The following PSTK variants were observed in gnomAD, a reference collection of about 807,000 sequenced individuals.
PSTK encodes the protein phosphoseryl-tRNA kinase.
PSTK carries 26 observed loss-of-function variants against 38.6 expected under a neutral mutation model. That is an observed-to-expected ratio of 0.67 (90% confidence interval 0.49 to 0.94). PSTK has a LOEUF of 0.94. PSTK is among the 40% of genes least tolerant of loss of function. The probability of loss-of-function intolerance (pLI) is 0.00; values close to 1 mark genes in which losing one functional copy is unlikely to be tolerated. For missense variants in PSTK, 445 were observed against 436.3 expected (o/e 1.02, Z -0.18); for synonymous variants, 181 against 161.7 (o/e 1.12, Z -0.91).
In PSTK at chr10:122,983,404, C is replaced by T; in HGVS notation, c.641C>T (p.Pro214Leu). The part of the protein sequence containing the change: ...LMGRKLEKPN[P>L]EKNAWEHNSL... Reference sequence around the variant, plus strand: ...GGAAGAAAGCTAGAAAAGCCCAACCCTGAGAAAAATGCTTGGGAACACAAC... The same window carrying T: ...GGAAGAAAGCTAGAAAAGCCCAACCTTGAGAAAAATGCTTGGGAACACAAC... Residue 214 changes from proline to leucine, a missense_variant, in exon 3 of 6, where the codon CCT (proline) becomes CTT (leucine). By Grantham distance (98) the Pro-to-Leu change is moderately conservative. Coordinates refer to ENST00000406217, the MANE Select transcript of PSTK (RefSeq NM_001363531.2). 3 of 1,614,182 alleles carry T rather than the reference C, an allele frequency of 1.9e-6. No homozygotes were observed. The highest frequency in any genetic ancestry group is 2.5e-6 in the Non-Finnish European group (3 of 1,180,044).
chr10:122,986,689 A>C (rs2133359303), intron 4 of PSTK, among the ~76,000 whole-genome samples, 180 bp from the exon 5 acceptor site: 1 of 152,348 alleles, frequency 6.6e-6, no homozygotes, highest in East Asian at 1.9e-4. Context: ...ATCACCGCCT[A>C]GCTGGAACCC....
chr10:122,980,928 G>A lies in PSTK; in HGVS notation c.216+233G>A. 2.1e-6 allele frequency: 1 copy of A among 481,260 alleles called. No individual in the cohort carries two copies. Among genetic ancestry groups the A allele is most frequent in the Non-Finnish European group, 2.7e-6 (1 of 369,654 alleles). 29.8% of individuals were successfully genotyped at this position (481,260 alleles called of 1,614,324 possible). On this transcript the variant is annotated intron_variant, in intron 1 of 5. Coordinates refer to ENST00000406217, the MANE Select transcript of PSTK (RefSeq NM_001363531.2). This position sits in a 1 kb window ranked among gnomAD's most constrained non-coding sequence, Gnocchi z 4.3. ...CCAACTGTTAGAACGATGCATTTTA[G>A]ATGCTTATCTGTATATTTGATGCAT...
Sources: gnomAD v4.1 joint callset for allele counts (sites outside exome capture counted in the v4.1 genomes callset) on GRCh38, gnomAD v4.1.1 for gene constraint, Gnocchi (gnomAD v3.1) non-coding constraint, MANE v1.5 for transcripts, NCBI Gene and HGNC (gene_info 2026-07-23, HGNC 2026-07-21) for gene names.